Variants in MYO19 observed in about 807,000 individuals in gnomAD.
MYO19 encodes unconventional myosin-XIX.
MYO19 carries 132 observed loss-of-function variants against 129.2 expected under a neutral mutation model. The observed-to-expected ratio is 1.02, with a 90% CI of 0.89 to 1.18. The LOEUF is 1.18. Ranked by LOEUF, MYO19 falls within the 50% of genes most tolerant of loss-of-function variation. The pLI, the probability that MYO19 is intolerant of heterozygous loss-of-function variation, is 0.00. For missense variants in MYO19, 1,210 were observed against 1,216.7 expected, an observed-to-expected ratio of 0.99 and a Z score of 0.08; for synonymous variants, 531 against 477.2, an observed-to-expected ratio of 1.11 and a Z score of -1.47.
At chr17:36,500,695 C>A (rs1024488375) in intron 23 of MYO19, 135 bp downstream of exon 23, 2 of 1,267,668 alleles carry the variant, frequency 1.6e-6, no homozygotes, top group South Asian at 1.5e-5. Flanking sequence ...AATTTGAATC[C>A]CAGCACACCA....
intron 17 of MYO19, 168 bp downstream of exon 17, chr17:36,506,795 T>C: frequency 3.7e-6 from 4 of 1,093,298 alleles, no homozygotes; most frequent in Admixed American, 3.1e-5. Context: ...AGGCAGGTCA[T>C]GCTTGATTAG....
chr17:36,498,771 G>A (rs370111754), intron 24 of MYO19: 18 of 604,342 alleles, frequency 3.0e-5, no homozygotes, highest in African/African-American at 2.6e-4. Flanking sequence ...TATGCTACTT[G>A]AAAACAAGAT....
chr17:36,518,333 A>G (rs981327707), intron 6 of MYO19, among the ~76,000 whole-genome samples: 1 of 150,450 alleles, frequency 6.6e-6, no homozygotes, highest in Admixed American at 6.6e-5. Context: ...AGTCTCTACT[A>G]AAAATACAAA....
chr17:36,519,277 C>G (rs1314860655), intron 6 of MYO19, among the ~76,000 whole-genome samples: 1 of 152,176 alleles, frequency 6.6e-6, no homozygotes, highest in Non-Finnish European at 1.5e-5. Context: ...AGGTACACAC[C>G]TGTTTAGAAC....
Position 36,498,276 on chromosome 17 carries a change from G to C in MYO19, c.2747C>G (p.Ala916Gly). 1 of 1,611,474 alleles carries C rather than the reference G, an allele frequency of 6.2e-7. No homozygotes were observed. The stretch of plus-strand genomic sequence containing the variant: ...TCACACACAACGTACCTGAGGCAGC[G>C]CTCGGATGGACGTGACACCAGCCTG... ...QDQAGVTSIRALPQGSIKFHC... is the reference protein window; with the variant it reads ...QDQAGVTSIRGLPQGSIKFHC... Residue 916 changes from alanine (A) to glycine (G), a missense_variant, in exon 25 of 26, where the codon GCG becomes GGG. By Grantham distance (60) the Ala-to-Gly change is moderately conservative (BLOSUM62 0). Transcript: ENST00000614623.
At chr17:36,536,160 G>A (rs796151173), upstream of MYO19, among the ~76,000 whole-genome samples, 28 of 152,130 alleles carry the variant, frequency 1.8e-4, no homozygotes, top group African/African-American at 6.5e-4. Flanking sequence ...ACTAGTATGT[G>A]CTATACATCC....
intron 5 of MYO19, 37 bp downstream of exon 5, chr17:36,527,514 A>G (rs1236713336): frequency 1.2e-6 from 2 of 1,602,194 alleles, no homozygotes; most frequent in South Asian, 2.2e-5. Flanking sequence ...CGGGAGGTAG[A>G]GGAGCCCTGA....
At position 36,499,168 on chromosome 17, in the gene MYO19, G is replaced by C; in HGVS notation, c.2378-8C>G. On this transcript the variant is annotated splice_region_variant and splice_polypyrimidine_tract_variant and intron_variant, in intron 23 of 25. Transcript: ENST00000614623. ...TTAACCAGGAACGAATGGCTAAGAG[G>C]TTTGCCCAGAAACAGGAAAGAGATA... 6.3e-7 allele frequency: 1 copy of C among 1,595,312 alleles called. No homozygotes were observed. The highest frequency in any genetic ancestry group is 8.5e-7 in the Non-Finnish European group (1 of 1,169,596).
chr17:36,538,631 A>T (rs750274624), upstream of MYO19: 8 of 1,527,686 alleles, frequency 5.2e-6, no homozygotes, highest in South Asian at 9.7e-5. Flanking sequence ...CAGGAGTAGG[A>T]TATATAAGTA....
intron 2 of MYO19, chr17:36,541,931 A>G (rs1328543670): frequency 1.3e-5 from 2 of 152,230 alleles, no homozygotes; most frequent in East Asian, 3.8e-4. Context: ...ACTTTGAAAA[A>G]TTATTTTGCC....
chr17:36,505,383 G>A lies in MYO19; in HGVS notation c.1819C>T (p.Gln607Ter), dbSNP rs1211994689. The change falls in exon 19 of 26, where the codon CAG becomes TAG. Residue 607 changes from glutamine (Q) to a stop codon, truncating the protein, a stop_gained. Transcript: ENST00000614623. LOFTEE classifies it high-confidence loss of function. ...KFKASLEQLL[Q>*]VLHSTTPHYI... ...TGGGGCGTGGTGCTGTGTAGGACCT[G>A]CAGAAGCTGCTCCAGTGAGGCCTGC... The A allele has an allele frequency of 1.2e-6, 2 of 1,614,190 alleles. No individual in the cohort carries two copies. Among genetic ancestry groups the A allele is most frequent in the East Asian group, 2.2e-5 (1 of 44,878 alleles).
At chr17:36,524,342 A>G (rs912672511) in intron 6 of MYO19, among the ~76,000 whole-genome samples, 1 of 152,192 alleles carries the variant, frequency 6.6e-6, no homozygotes, top group Non-Finnish European at 1.5e-5. Flanking sequence ...AGAAGCCTAG[A>G]ACCTGGCAAG....
upstream of MYO19, chr17:36,537,067 T>G: frequency 6.5e-7 from 1 of 1,530,424 alleles, no homozygotes; most frequent in Non-Finnish European, 8.8e-7. Context: ...TTTTCACAAA[T>G]CCATTCCTTT....
intron 9 of MYO19, among the ~76,000 whole-genome samples, 166 bp downstream of exon 9, chr17:36,514,280 T>G (rs992768978): frequency 6.6e-6 from 1 of 152,040 alleles, no homozygotes; most frequent in Admixed American, 6.5e-5. Context: ...CAAGGCGCAG[T>G]GTGAGGCAGA....
intron 21 of MYO19, among the ~76,000 whole-genome samples, chr17:36,502,585 T>C (rs2071607147): frequency 6.6e-6 from 1 of 152,194 alleles, no homozygotes; most frequent in Non-Finnish European, 1.5e-5. Flanking sequence ...CTCCAGAAAG[T>C]GTGAGGCTGA....
At chr17:36,505,250 G>T in intron 19 of MYO19, 47 bp downstream of exon 19, 1 of 1,527,870 alleles carries the variant, frequency 6.5e-7, no homozygotes, top group Non-Finnish European at 9.1e-7. Flanking sequence ...CAGGGCCTTG[G>T]CCAGATGGGG....
rs2071901339 is a variant in MYO19, at chr17:36,506,545, GC to G, written c.1707del (p.Leu570CysfsTer23). 4.4e-6 allele frequency: 7 copies of G among 1,589,356 alleles called. No individual in the cohort carries two copies. In the East Asian group the frequency reaches 1.6e-4, roughly 36 times the overall value. Reference protein sequence around the residue: ...LQQSQDPLLMGLFPTNPKEKT... With the variant: ...LQQSQDPLLMXLFPTNPKEKT... Reference sequence around the variant, plus strand: ...TTCTCTTTGGGGTTAGTAGGAAACAGCCCCATGAGCAGGGGGTCCTGGGATT... The same window carrying G: ...TTCTCTTTGGGGTTAGTAGGAAACAGCCCATGAGCAGGGGGTCCTGGGATT... On this transcript the variant is annotated frameshift_variant, in exon 18 of 26. Coordinates refer to ENST00000614623, the MANE Select transcript of MYO19 (RefSeq NM_001163735.2). LOFTEE classifies it high-confidence loss of function.
Position 36,507,504 on chromosome 17 carries a change from G to A in MYO19, c.1362C>T (p.Tyr454=), listed in dbSNP as rs140719113. 814 of 1,613,332 alleles carry A rather than the reference G, an allele frequency of 5.0e-4. 12 individuals are homozygous for A. The South Asian group carries it at 7.1e-3, about 14-fold the overall frequency. ...AHYLRAQQEE[Y]AVEGLEWSFI... ...ATGACCACTCCAGGCCCTCAACTGC[G>A]TATTCCTCCTAAAGAACAAGGTGGG... Residue 454 remains tyrosine (Y), a synonymous_variant, in exon 16 of 26, where the codon TAC becomes TAT. Transcript: ENST00000614623.
intron 19 of MYO19, chr17:36,504,888 G>A (rs1401671426): frequency 1.4e-5 from 4 of 277,542 alleles, no homozygotes; most frequent in African/African-American, 9.1e-5. Context: ...ACTCCAGCCT[G>A]GGTGACAGAG....
Sources: gnomAD v4.1 joint callset for allele counts (sites outside exome capture counted in the v4.1 genomes callset) on GRCh38, gnomAD v4.1.1 for gene constraint, MANE v1.5 for transcripts, NCBI Gene and HGNC (gene_info 2026-07-23, HGNC 2026-07-21) for gene names.